SEMA5A: variants seen among roughly 807,000 people sequenced by gnomAD.
The protein encoded by SEMA5A is semaphorin 5A.
In SEMA5A, 55 loss-of-function variants were observed where a neutral mutation model predicts 135.5. That is an observed-to-expected ratio of 0.41 (90% CI 0.33 to 0.51). SEMA5A has a LOEUF of 0.51. Ranked by LOEUF, SEMA5A falls within the 20% of genes least tolerant of loss-of-function variation. The pLI is 0.37. For missense variants in SEMA5A, 1,290 were observed against 1,419.9 expected (o/e 0.91, Z 1.47); for synonymous variants, 580 against 546.5 (o/e 1.06, Z -0.85).
intron 2 of SEMA5A, among the ~76,000 whole-genome samples, chr5:9,406,979 A>G (rs1690104950): frequency 6.6e-6 from 1 of 152,344 alleles, no homozygotes; most frequent in South Asian, 2.1e-4. Context: ...AGAGTTCCTT[A>G]GCTTCAGCGT....
intron 16 of SEMA5A, among the ~76,000 whole-genome samples, chr5:9,081,145 G>C (rs1738360928): frequency 6.6e-6 from 1 of 152,110 alleles, no homozygotes; most frequent in Admixed American, 6.6e-5. Context: ...GGAAATACAA[G>C]ATCTCAGTCC....
At chr5:9,429,739 A>T (rs1757790605) in intron 2 of SEMA5A, among the ~76,000 whole-genome samples, 1 of 152,218 alleles carries the variant, frequency 6.6e-6, no homozygotes, top group Admixed American at 6.5e-5. Flanking sequence ...GAGCAAGGAA[A>T]GTGGCTACTC....
chr5:9,047,386 A>C (rs1736324550), intron 21 of SEMA5A, among the ~76,000 whole-genome samples: 1 of 152,248 alleles, frequency 6.6e-6, no homozygotes, highest in Non-Finnish European at 1.5e-5. Context: ...TGCAACTAAA[A>C]ATAGCTCTCT....
Position 9,242,631 on chromosome 5 carries a change from G to A in SEMA5A, c.271-4741C>T, listed in dbSNP as rs75824151. 9.9e-3 allele frequency among the ~76,000 whole-genome samples: 1,503 copies of A among 152,170 alleles called. 28 individuals carry two copies. Among genetic ancestry groups the A allele is most frequent in the African/African-American group, 0.035 (1,448 of 41,510 alleles). On this transcript the variant is annotated intron_variant, in intron 5 of 22. Coordinates refer to ENST00000382496, the MANE Select transcript of SEMA5A (RefSeq NM_003966.3). ...GACTTATGGGGAAGAGTGGGAGCGG[G>A]GCAAGGCATAAAAGACAACCAACGT...
intron 1 of SEMA5A, among the ~76,000 whole-genome samples, chr5:9,473,267 A>G (rs1302934513): frequency 6.7e-6 from 1 of 149,674 alleles, no homozygotes; most frequent in Non-Finnish European, 1.5e-5. Context: ...CACCTAGTCA[A>G]GTAAATGATT....
chr5:9,235,507 A>G (rs1017382273), intron 6 of SEMA5A, among the ~76,000 whole-genome samples: 18 of 152,196 alleles, frequency 1.2e-4, no homozygotes, highest in Non-Finnish European at 2.5e-4. Context: ...TGGGCTTCTC[A>G]TGTTCATTCA....
At chr5:9,275,526 A>T (rs1027688699) in intron 5 of SEMA5A, among the ~76,000 whole-genome samples, 33 of 151,120 alleles carry the variant, frequency 2.2e-4, no homozygotes, top group South Asian at 6.3e-4. Flanking sequence ...GAGACACAAT[A>T]AAAAAAAAGG....
intron 5 of SEMA5A, among the ~76,000 whole-genome samples, chr5:9,258,744 C>T (rs1359105052): frequency 6.7e-6 from 1 of 149,570 alleles, no homozygotes; most frequent in African/African-American, 2.5e-5. Context: ...CATAGTAAGC[C>T]TGTGATATTG....
intron 1 of SEMA5A, among the ~76,000 whole-genome samples, chr5:9,473,464 C>T (rs542893915): frequency 1.4e-5 from 2 of 147,260 alleles, no homozygotes; most frequent in Non-Finnish European, 3.0e-5. Context: ...GGTTCTGACT[C>T]TCCAGGAACA....
At chr5:9,508,211 T>C (rs1736010000) in intron 1 of SEMA5A, among the ~76,000 whole-genome samples, 1 of 152,120 alleles carries the variant, frequency 6.6e-6, no homozygotes, top group Non-Finnish European at 1.5e-5. Flanking sequence ...TTTCTCATTT[T>C]GGTCACTAGA....
chr5:9,080,219 TA>T (rs1165630285), intron 16 of SEMA5A, among the ~76,000 whole-genome samples: 7 of 152,032 alleles, frequency 4.6e-5, no homozygotes, highest in Non-Finnish European at 8.8e-5. Context: ...TATGCAGCCA[TA>T]AAAAAGGATG....
rs1261812584 is a variant in SEMA5A at position 9,044,519 on chromosome 5, G to A, written c.2959C>T (p.Leu987=). The A allele has an allele frequency of 1.9e-6, 3 of 1,614,074 alleles. No homozygotes were observed. The highest frequency in any genetic ancestry group is 2.5e-6 in the Non-Finnish European group (3 of 1,180,028). The part of the protein sequence containing the change: ...SSSILGCLLT[L]LVYTYCQRYQ... ...CGCTGGCAGTAAGTATAGACGAGCA[G>A]GGTGAGGAGGCAGCCGAGGATGGAG... Residue 987 remains leucine, a synonymous_variant, in exon 22 of 23, where the codon CTG becomes TTG. Transcript: ENST00000382496.
Position 9,054,180 on chromosome 5 carries a change from G to A in SEMA5A, c.2596C>T (p.Arg866Cys), listed in dbSNP as rs201767896. Residue 866 changes from arginine (R) to cysteine (C), a missense_variant, in exon 19 of 23, where the codon CGC becomes TGC. This residue lies in a region of SEMA5A where 1,029 missense variants were observed against 1,086.6 expected (regional missense o/e 0.95). Transcript: ENST00000382496. ...TCGGGHYMRT[R>C]SCSNPAPAYG... ...GCCGGGGCTGGATTGGAGCAAGAGC[G>A]GGTCCTCATATAGTGTCCACCGCCG... The A allele has an allele frequency of 3.2e-5, 51 of 1,613,914 alleles. No homozygotes were observed. Among genetic ancestry groups the A allele is most frequent in the Non-Finnish European group, 4.0e-5 (47 of 1,180,008 alleles).
At chr5:9,134,480 A>G (rs1480014833) in intron 13 of SEMA5A, among the ~76,000 whole-genome samples, 2 of 152,166 alleles carry the variant, frequency 1.3e-5, no homozygotes, top group Non-Finnish European at 2.9e-5. Flanking sequence ...GACATATACA[A>G]TACATACATT....
chr5:9,348,858 A>C (rs1326570165), intron 3 of SEMA5A, among the ~76,000 whole-genome samples: 1 of 152,244 alleles, frequency 6.6e-6, no homozygotes, highest in African/African-American at 2.4e-5. Context: ...GAGATTTCTT[A>C]GAGCCTTAGG....
chr5:9,082,837 A>G (rs1356748803), intron 16 of SEMA5A, among the ~76,000 whole-genome samples: 1 of 152,158 alleles, frequency 6.6e-6, no homozygotes, highest in Non-Finnish European at 1.5e-5. Context: ...ATACCCCATA[A>G]TTATCCTACT....
rs905721742 is a variant in SEMA5A, at chr5:9,386,495, G to T, written c.-77-6472C>A. Among the ~76,000 whole-genome samples the T allele has an allele frequency of 1.3e-5, 2 of 152,140 alleles. 1 individual carries two copies. The highest frequency in any genetic ancestry group is 4.1e-4 in the South Asian group (2 of 4,820). ...TCTCACCTTGCCAGGGTCCTCAGAG[G>T]CAGCCTTGCACACTCAGTAGTCACA... On this transcript the variant is annotated intron_variant, in intron 2 of 22. Coordinates refer to ENST00000382496, the MANE Select transcript of SEMA5A (RefSeq NM_003966.3).
At chr5:9,489,708 G>C (rs886846649) in intron 1 of SEMA5A, among the ~76,000 whole-genome samples, 1 of 152,108 alleles carries the variant, frequency 6.6e-6, no homozygotes, top group African/African-American at 2.4e-5. Flanking sequence ...GCTACGAGTG[G>C]CTCTAAATGG....
At chr5:9,422,478 CAAGA>C (rs1410242640) in intron 2 of SEMA5A, 28 of 152,100 alleles carry the variant, frequency 1.8e-4, no homozygotes, top group African/African-American at 6.5e-4. Flanking sequence ...GTTGAATTTG[CAAGA>C]AAGAACCGAC....
Sources: gnomAD v4.1 joint callset for allele counts (sites outside exome capture counted in the v4.1 genomes callset) on GRCh38, gnomAD v4.1.1 for gene constraint, gnomAD v4.1.1 regional missense constraint, MANE v1.5 for transcripts, NCBI Gene and HGNC (gene_info 2026-07-23, HGNC 2026-07-21) for gene names.